Variants in PCDH7 observed in about 807,000 individuals in gnomAD.
PCDH7 encodes the protein protocadherin 7, also known as protocadherin-7.
Under a neutral mutation model 58.9 loss-of-function variants are expected in PCDH7, and 17 were observed. The observed-to-expected ratio is 0.29, with a 90% CI of 0.20 to 0.43. The LOEUF is 0.43. PCDH7 is among the 20% of genes least tolerant of loss of function. The probability of loss-of-function intolerance (pLI) is 1.00; values close to 1 mark genes in which losing one functional copy is unlikely to be tolerated. For missense variants in PCDH7, 1,274 were observed against 1,441.0 expected (o/e 0.88, Z 1.88); for synonymous variants, 664 against 616.4 (o/e 1.08, Z -1.14).
At chr4:30,851,683 C>A (rs1473177483) in intron 1 of PCDH7, among the ~76,000 whole-genome samples, 1 of 152,082 alleles carries the variant, frequency 6.6e-6, no homozygotes, top group Non-Finnish European at 1.5e-5. Flanking sequence ...ATTCTACCTT[C>A]TCTTCATCCT....
intron 1 of PCDH7, among the ~76,000 whole-genome samples, chr4:30,899,681 C>T (rs1739943867): frequency 6.6e-6 from 1 of 152,120 alleles, no homozygotes; most frequent in African/African-American, 2.4e-5. Flanking sequence ...TCCTCACTAT[C>T]CTTATAGAAT....
intron 1 of PCDH7, among the ~76,000 whole-genome samples, chr4:30,778,602 T>G (rs1246452529): frequency 6.6e-6 from 1 of 151,974 alleles, no homozygotes; most frequent in Non-Finnish European, 1.5e-5. Flanking sequence ...TACAAAGAAT[T>G]TTTTTTTGTA....
At chr4:30,873,348 C>A (rs546289841) in intron 1 of PCDH7, among the ~76,000 whole-genome samples, 10 of 152,126 alleles carry the variant, frequency 6.6e-5, no homozygotes, top group African/African-American at 2.4e-4. Flanking sequence ...ATTCTGATGT[C>A]ATTAGGCAAA....
At chr4:31,036,110 T>C (rs1578622338) in intron 3 of PCDH7, among the ~76,000 whole-genome samples, 1 of 152,196 alleles carries the variant, frequency 6.6e-6, no homozygotes, top group Non-Finnish European at 1.5e-5. Context: ...GGGTTTATTG[T>C]TATAATAGCT....
In PCDH7 at chr4:30,816,906, A is replaced by G. The variant is rs1727749504; in HGVS notation, c.70+92310A>G. 3.9e-5 allele frequency among the ~76,000 whole-genome samples: 6 copies of G among 152,154 alleles called. No individual in the cohort carries two copies. In the South Asian group the frequency reaches 1.2e-3, roughly 32 times the overall value. On this transcript the variant is annotated intron_variant, in intron 1 of 3. Transcript: ENST00000509759. ...CCTTTTGTTTGCATTCCAATGTAGA[A>G]GAAAGAACTTCATCAGCTGGCTTCA...
intron 3 of PCDH7, among the ~76,000 whole-genome samples, chr4:30,980,847 A>AT (rs1750491246): frequency 6.6e-6 from 1 of 151,962 alleles, no homozygotes; most frequent in African/African-American, 2.4e-5. Flanking sequence ...TTTATTTAGT[A>AT]TTTTTTATTT....
At chr4:30,760,870 A>C (rs1448525959) in intron 1 of PCDH7, among the ~76,000 whole-genome samples, 1 of 152,128 alleles carries the variant, frequency 6.6e-6, no homozygotes, top group East Asian at 1.9e-4. Context: ...GTGAATCAGA[A>C]AGGGTCTTAC....
chr4:30,922,374 T>A (rs1024308798), intron 2 of PCDH7, among the ~76,000 whole-genome samples: 1 of 151,938 alleles, frequency 6.6e-6, no homozygotes, highest in African/African-American at 2.4e-5. Context: ...ATTAAATCTT[T>A]ATTTTTTGGA....
rs1270119176 is a variant in PCDH7 at position 30,935,138 on chromosome 4, A to G, written c.287+14769A>G. 2.6e-5 allele frequency among the ~76,000 whole-genome samples: 4 copies of G among 152,050 alleles called. No individual in the cohort carries two copies. The East Asian group carries it at 7.7e-4, about 29-fold the overall frequency. On this transcript the variant is annotated intron_variant, in intron 2 of 3. Coordinates refer to the PCDH7 transcript ENST00000509759. ...CTATATTTAGTGAAGTATTTAGTAT[A>G]TTTAGTTATTTATAGAAGTATTGAA...
intron 1 of PCDH7, among the ~76,000 whole-genome samples, chr4:30,879,776 T>C (rs1025063914): frequency 1.3e-5 from 2 of 152,104 alleles, no homozygotes; most frequent in Non-Finnish European, 2.9e-5. Flanking sequence ...AAATAGAAAA[T>C]GGAAATTCTG....
intron 1 of PCDH7, among the ~76,000 whole-genome samples, chr4:30,798,082 G>A (rs1017511606): frequency 6.6e-6 from 1 of 152,166 alleles, no homozygotes; most frequent in Non-Finnish European, 1.5e-5. Flanking sequence ...ACAGTGCCAA[G>A]AGTCCAGGCT....
intron 1 of PCDH7, among the ~76,000 whole-genome samples, chr4:30,827,715 T>C (rs576051168): frequency 6.6e-6 from 1 of 152,188 alleles, no homozygotes; most frequent in Non-Finnish European, 1.5e-5. Flanking sequence ...TACAGATCAG[T>C]GAAGAGAGTA....
At chr4:31,028,028 C>T (rs533703595) in intron 3 of PCDH7, among the ~76,000 whole-genome samples, 89 of 152,182 alleles carry the variant, frequency 5.8e-4, no homozygotes, top group Non-Finnish European at 1.2e-3. Context: ...TGACCATGGT[C>T]ATTTTGTACC....
intron 3 of PCDH7, among the ~76,000 whole-genome samples, chr4:31,018,220 A>G (rs571145275): frequency 6.6e-6 from 1 of 152,114 alleles, no homozygotes; most frequent in Admixed American, 6.6e-5. Context: ...GTTTCTCCCT[A>G]TATCACTACT....
chr4:30,771,228 A>G lies in PCDH7; in HGVS notation c.70+46632A>G, dbSNP rs140057629. Among the ~76,000 whole-genome samples the G allele has an allele frequency of 2.2e-3, 339 of 152,342 alleles. 2 individuals carry two copies. The highest frequency in any genetic ancestry group is 3.9e-3 in the Non-Finnish European group (268 of 68,030). ...TTCATAATTTTGCCCTAGCTACATA[A>G]AAATGACCATATTTGAACCAGTTCT... On this transcript the variant is annotated intron_variant, in intron 1 of 3. Coordinates refer to the PCDH7 transcript ENST00000509759.
At chr4:30,868,415 T>G (rs1354419682) in intron 1 of PCDH7, among the ~76,000 whole-genome samples, 3 of 152,256 alleles carry the variant, frequency 2.0e-5, no homozygotes, top group Non-Finnish European at 2.9e-5. Context: ...CTTGCTGAAT[T>G]GTCTCTGCCT....
chr4:31,145,351 T>C (rs946172931), downstream of PCDH7: 1 of 152,108 alleles, frequency 6.6e-6, no homozygotes, highest in Non-Finnish European at 1.5e-5. Context: ...AACATGTTTA[T>C]TATATAATGA....
chr4:30,883,317 C>T (rs1737251652), intron 1 of PCDH7, among the ~76,000 whole-genome samples: 1 of 152,200 alleles, frequency 6.6e-6, no homozygotes, highest in South Asian at 2.1e-4. Flanking sequence ...TCTCCCAGTA[C>T]TTACTGAGAA....
intron 2 of PCDH7, among the ~76,000 whole-genome samples, chr4:30,924,362 C>A (rs1359326959): frequency 6.6e-6 from 1 of 152,288 alleles, no homozygotes; most frequent in Middle Eastern, 3.4e-3. Context: ...GGTTCCAGGT[C>A]CAATAATCTG....
Sources: allele counts gnomAD v4.1 joint callset (sites outside exome capture counted in the v4.1 genomes callset), GRCh38; gene constraint gnomAD v4.1.1; transcripts MANE v1.5; gene names NCBI Gene and HGNC (gene_info 2026-07-23, HGNC 2026-07-21).